Variants in LGALS4 observed in about 807,000 individuals in gnomAD.
LGALS4 encodes galectin 4, also known as galectin-4.
Under a neutral mutation model 39.6 loss-of-function variants are expected in LGALS4, and 37 were observed. That is an observed-to-expected ratio of 0.93 (90% confidence interval 0.72 to 1.23). LGALS4 has a LOEUF of 1.23. Ranked by LOEUF, LGALS4 falls within the 50% of genes most tolerant of loss-of-function variation. LGALS4 has a pLI of 0.00. For synonymous variants in LGALS4, 160 were observed against 165.5 expected (o/e 0.97, Z 0.25); for missense variants, 397 against 433.2 (o/e 0.92, Z 0.74).
chr19:38,802,339 G>C lies in LGALS4; in HGVS notation c.636C>G (p.Gly212=), dbSNP rs767001617. 6.2e-7 allele frequency: 1 copy of C among 1,614,028 alleles called. No individual in the cohort carries two copies. Among genetic ancestry groups the C allele is most frequent in the Non-Finnish European group, 8.5e-7 (1 of 1,180,002 alleles). The change falls in exon 8 of 10, where the codon GGC becomes GGG. Residue 212 remains glycine, a synonymous_variant. Coordinates refer to ENST00000307751, the MANE Select transcript of LGALS4 (RefSeq NM_006149.4). ...LTARRTIIIK[G]YVPPTGKSFA... ...ACCTCTTGCCTGTGGGAGGCACATA[G>C]CCCTTGATGATGATGGTTCTTCGAG... is the stretch of plus-strand genomic sequence containing the variant.
At chr19:38,805,530 C>T (rs546767307) in intron 4 of LGALS4, among the ~76,000 whole-genome samples, 3 of 152,240 alleles carry the variant, frequency 2.0e-5, no homozygotes, top group Admixed American at 6.5e-5. Context: ...GAGGTCAGGG[C>T]CCAGAGATAT....
intron 4 of LGALS4, among the ~76,000 whole-genome samples, chr19:38,805,809 C>T (rs776228775): frequency 3.3e-5 from 5 of 152,190 alleles, no homozygotes; most frequent in Non-Finnish European, 5.9e-5. Context: ...CCATGGCTCA[C>T]ACCTGTAATC....
chr19:38,811,487 T>C (rs1971493274), intron 2 of LGALS4, among the ~76,000 whole-genome samples: 1 of 149,010 alleles, frequency 6.7e-6, no homozygotes, highest in African/African-American at 2.5e-5. Context: ...ATAATAATAA[T>C]AAATAAAAAT....
At chr19:38,805,738 T>G (rs1316867543) in intron 4 of LGALS4, among the ~76,000 whole-genome samples, 1 of 152,156 alleles carries the variant, frequency 6.6e-6, no homozygotes, top group Non-Finnish European at 1.5e-5. Flanking sequence ...CACTGGGCTC[T>G]TGGCATAACT....
intron 3 of LGALS4, 61 bp from the exon 4 acceptor site, chr19:38,806,656 G>A (rs1405275733): frequency 6.3e-7 from 1 of 1,589,738 alleles, no homozygotes; most frequent in Non-Finnish European, 8.6e-7. Flanking sequence ...GGTACAAACA[G>A]GAAGCAAGGG....
chr19:38,810,015 C>T (rs868529455), intron 2 of LGALS4, among the ~76,000 whole-genome samples: 3 of 152,212 alleles, frequency 2.0e-5, no homozygotes, highest in Non-Finnish European at 2.9e-5. Context: ...AATTACTCCC[C>T]AGGACAGGCC....
At chr19:38,803,351 TG>T in intron 7 of LGALS4, 170 bp downstream of exon 7, 1 of 665,734 alleles carries the variant, frequency 1.5e-6, no homozygotes. Flanking sequence ...CCACTCCTCC[TG>T]GAAAACATCC....
At chr19:38,809,381 T>C (rs938021565) in intron 2 of LGALS4, among the ~76,000 whole-genome samples, 1 of 151,810 alleles carries the variant, frequency 6.6e-6, no homozygotes, top group Non-Finnish European at 1.5e-5. Flanking sequence ...GGTTTCACCA[T>C]GTTGGCCAGG....
In LGALS4 at chr19:38,810,045, T is replaced by C. The variant is rs60379211; in HGVS notation, c.135-1097A>G. Among the ~76,000 whole-genome samples, 462 of 152,232 alleles carry C rather than the reference T, an allele frequency of 3.0e-3. 4 individuals are homozygous for C. The highest frequency in any genetic ancestry group is 5.1e-3 in the Non-Finnish European group (349 of 68,008). On this transcript the variant is annotated intron_variant, in intron 2 of 9. Coordinates refer to ENST00000307751, the MANE Select transcript of LGALS4 (RefSeq NM_006149.4). ...CAGGCCTGTCTCAGGGCCTTTGCAC[T>C]GGCTGTTCCCTCTGCCTGGAAGGCC...
chr19:38,803,581 C>T, intron 6 of LGALS4, 30 bp from the exon 7 acceptor site: 1 of 1,613,236 alleles, frequency 6.2e-7, no homozygotes, highest in Non-Finnish European at 8.5e-7. Flanking sequence ...CGATATTATT[C>T]TCCAAGAGTC....
At position 38,812,402 on chromosome 19, in the gene LGALS4, A is replaced by G. The variant is rs777440618; in HGVS notation, c.134+29T>C. 19 of 1,602,530 alleles carry G rather than the reference A, an allele frequency of 1.2e-5. No homozygotes were observed. The South Asian group carries it at 2.1e-4, about 18-fold the overall frequency. ...AGCACCCAGTTGGAAGTCCCCTGCCAGCCCGGCCTGGCTTGGGGAGGGTCT... is the reference window on the plus strand; with the variant it reads ...AGCACCCAGTTGGAAGTCCCCTGCCGGCCCGGCCTGGCTTGGGGAGGGTCT... On this transcript the variant is annotated intron_variant, in intron 2 of 9. Coordinates refer to ENST00000307751, the MANE Select transcript of LGALS4 (RefSeq NM_006149.4).
At chr19:38,809,325 G>A (rs150395345) in intron 2 of LGALS4, among the ~76,000 whole-genome samples, 215 of 151,660 alleles carry the variant, frequency 1.4e-3, no homozygotes, top group African/African-American at 4.9e-3. Context: ...GATTACAGGC[G>A]TGCACCACCA....
intron 2 of LGALS4, among the ~76,000 whole-genome samples, chr19:38,811,644 A>G (rs958670505): frequency 1.3e-5 from 2 of 151,402 alleles, no homozygotes; most frequent in Non-Finnish European, 2.9e-5. Flanking sequence ...TGGGCAACAG[A>G]GCAAGACCCT....
chr19:38,803,207 G>A, intron 7 of LGALS4: 5 of 379,784 alleles, frequency 1.3e-5, no homozygotes. Context: ...TAGAGACAGA[G>A]TTTCACTATG....
chr19:38,807,725 T>TA (rs565838540), intron 3 of LGALS4, among the ~76,000 whole-genome samples: 199 of 152,320 alleles, frequency 1.3e-3, no homozygotes, highest in Non-Finnish European at 1.8e-3. Flanking sequence ...ATCAGATTGT[T>TA]ACTGTGTCTG....
intron 3 of LGALS4, among the ~76,000 whole-genome samples, chr19:38,807,389 G>A (rs1283563292): frequency 6.6e-6 from 1 of 151,948 alleles, no homozygotes; most frequent in South Asian, 2.1e-4. Context: ...AAAAGTACAC[G>A]TTTTGCAAAA....
At chr19:38,808,030 C>A (rs1302825073) in intron 3 of LGALS4, among the ~76,000 whole-genome samples, 1 of 152,062 alleles carries the variant, frequency 6.6e-6, no homozygotes, top group Non-Finnish European at 1.5e-5. Context: ...CCTTTGTTCA[C>A]GTGTTTATCT....
intron 4 of LGALS4, among the ~76,000 whole-genome samples, chr19:38,805,166 AAATAATAATAATAATAAT>A (rs3993040): frequency 5.0e-5 from 6 of 121,084 alleles, no homozygotes; most frequent in South Asian, 2.9e-4. Context: ...CCTGCCTCAA[AAATAATAATAATAATAAT>A]AATAATAATA....
Position 38,802,301 on chromosome 19 carries a change from T to C in LGALS4, c.659+15A>G, listed in dbSNP as rs1322991502. 1 of 1,611,874 alleles carries C rather than the reference T, an allele frequency of 6.2e-7. No homozygotes were observed. The highest frequency in any genetic ancestry group is 2.2e-5 in the East Asian group (1 of 44,868). On this transcript the variant is annotated intron_variant, in intron 8 of 9. Coordinates refer to ENST00000307751, the MANE Select transcript of LGALS4 (RefSeq NM_006149.4). Reference sequence around the variant, plus strand: ...GAGGAGGGGGCTGGGGGTTCCCACCTAGTTTACGTTATACCTCTTGCCTGT... The same window carrying C: ...GAGGAGGGGGCTGGGGGTTCCCACCCAGTTTACGTTATACCTCTTGCCTGT...
Sources: gnomAD v4.1 joint callset for allele counts (sites outside exome capture counted in the v4.1 genomes callset) on GRCh38, gnomAD v4.1.1 for gene constraint, MANE v1.5 for transcripts, NCBI Gene and HGNC (gene_info 2026-07-23, HGNC 2026-07-21) for gene names.